Variants in MATN2 observed in about 807,000 individuals in gnomAD.
MATN2 encodes matrilin 2, also known as matrilin-2.
In MATN2, 69 loss-of-function variants were observed where a neutral mutation model predicts 103.2. The observed-to-expected ratio is 0.67, with a 90% CI of 0.55 to 0.82. MATN2 has a LOEUF of 0.82. Among genes scored for constraint, MATN2 ranks in the 40% least tolerant of loss-of-function variants. MATN2 has a pLI of 0.00. For missense variants in MATN2, 1,023 were observed against 1,211.5 expected (o/e 0.84, Z 2.31); for synonymous variants, 429 against 450.2 (o/e 0.95, Z 0.60).
Position 98,005,830 on chromosome 8 carries a change from T to TCC in MATN2, c.1328-1275_1328-1274insCC, listed in dbSNP as rs1812948612. Among the ~76,000 whole-genome samples the TCC allele has an allele frequency of 4.6e-5, 7 of 152,232 alleles. No individual in the cohort carries two copies. The highest frequency in any genetic ancestry group is 1.0e-4 in the Non-Finnish European group (7 of 68,042). ...AAGGGCAAACTGTGACACAAAGGGA[T>TCC]TAAGTCACTGTCCTGGGGTCCTGTG... is the stretch of plus-strand genomic sequence containing the variant. On this transcript the variant is annotated intron_variant, in intron 8 of 18. Coordinates refer to ENST00000254898, the MANE Select transcript of MATN2 (RefSeq NM_002380.5). The surrounding 1 kb of genome is among the most constrained non-coding windows in gnomAD (Gnocchi z 4.6).
intron 14 of MATN2, among the ~76,000 whole-genome samples, chr8:98,028,499 G>T (rs1288655010): frequency 6.6e-6 from 1 of 152,150 alleles, no homozygotes; most frequent in African/African-American, 2.4e-5. Context: ...CCAAAAGGTA[G>T]GATAATTGGT....
At chr8:97,933,463 A>G (rs1279002909) in intron 3 of MATN2, among the ~76,000 whole-genome samples, 1 of 152,174 alleles carries the variant, frequency 6.6e-6, no homozygotes, top group Non-Finnish European at 1.5e-5. Context: ...TGTATTTATC[A>G]GAAAATGGAA....
chr8:97,985,901 C>A (rs1812175763), intron 6 of MATN2, among the ~76,000 whole-genome samples: 1 of 152,186 alleles, frequency 6.6e-6, no homozygotes, highest in Admixed American at 6.5e-5. Context: ...TGGAACATTT[C>A]TCTCCAGTCT....
chr8:97,989,255 G>A (rs1349296634), intron 6 of MATN2, among the ~76,000 whole-genome samples: 2 of 152,166 alleles, frequency 1.3e-5, no homozygotes, highest in African/African-American at 2.4e-5. Flanking sequence ...GGATCATGAG[G>A]TCAGGAGATT....
chr8:98,006,559 T>C (rs1224663250), intron 8 of MATN2, among the ~76,000 whole-genome samples: 2 of 152,242 alleles, frequency 1.3e-5, no homozygotes, highest in African/African-American at 2.4e-5. Flanking sequence ...GGTAGTTTGA[T>C]GCCAGAACCT....
intron 6 of MATN2, among the ~76,000 whole-genome samples, chr8:97,980,535 C>CT (rs1811981316): frequency 6.7e-6 from 1 of 149,444 alleles, no homozygotes; most frequent in Admixed American, 6.7e-5. Flanking sequence ...ATAATGCTGC[C>CT]TACTGCATAG....
intron 3 of MATN2, among the ~76,000 whole-genome samples, chr8:97,939,371 G>GA (rs1485519508): frequency 6.6e-6 from 1 of 151,994 alleles, no homozygotes; most frequent in Admixed American, 6.6e-5. Context: ...GCACAGAAAT[G>GA]AAAAAACAAA....
At chr8:97,935,865 G>C (rs1810355383) in intron 3 of MATN2, among the ~76,000 whole-genome samples, 1 of 152,112 alleles carries the variant, frequency 6.6e-6, no homozygotes, top group South Asian at 2.1e-4. Context: ...CTGCAGATTG[G>C]GACAGGTTCT....
At chr8:97,979,592 A>G (rs758283280) in intron 6 of MATN2, among the ~76,000 whole-genome samples, 1 of 152,238 alleles carries the variant, frequency 6.6e-6, no homozygotes, top group Non-Finnish European at 1.5e-5. Flanking sequence ...TGCAAAAAAG[A>G]TAATAACTAG....
intron 10 of MATN2, among the ~76,000 whole-genome samples, chr8:98,013,764 T>C (rs1813261034): frequency 6.6e-6 from 1 of 152,226 alleles, no homozygotes; most frequent in Admixed American, 6.5e-5. Flanking sequence ...CTTCTGGATG[T>C]GTAACTTTCA....
At chr8:98,030,056 T>C (rs1813953093) in intron 14 of MATN2, among the ~76,000 whole-genome samples, 1 of 152,218 alleles carries the variant, frequency 6.6e-6, no homozygotes, top group Admixed American at 6.5e-5. Flanking sequence ...CCCTGTAGCT[T>C]TGAGTAGAAA....
intron 6 of MATN2, among the ~76,000 whole-genome samples, chr8:97,986,427 A>G (rs370084623): frequency 2.6e-5 from 4 of 152,324 alleles, no homozygotes; most frequent in African/African-American, 9.6e-5. Flanking sequence ...CCCAATGTGT[A>G]GTCTTTTATC....
At position 98,016,741 on chromosome 8, in the gene MATN2, C is replaced by A. The variant is rs1813376552; in HGVS notation, c.1696+79C>A. ...TCGCTATCCTTATCTCTGTATATAT[C>A]AGTTCCTCTCAGAAGTCAATGCCAC... On this transcript the variant is annotated intron_variant, in intron 11 of 18. Coordinates refer to ENST00000254898, the MANE Select transcript of MATN2 (RefSeq NM_002380.5). 4 of 1,517,820 alleles carry A rather than the reference C, an allele frequency of 2.6e-6. No homozygotes were observed. The South Asian group carries it at 4.8e-5, about 18-fold the overall frequency. The allele number at this position is 1,517,820 out of a possible 1,614,324, so 94.0% of individuals were successfully genotyped here. A position where few individuals can be genotyped will look rare whatever the true frequency, so the allele number is the denominator to read the frequency against.
intron 1 of MATN2, among the ~76,000 whole-genome samples, chr8:97,875,067 C>G (rs1656541222): frequency 6.6e-6 from 1 of 152,116 alleles, no homozygotes. Flanking sequence ...CCTAGATAAT[C>G]CAGGATCATC....
chr8:97,878,883 C>G (rs935397413), intron 1 of MATN2, among the ~76,000 whole-genome samples: 1 of 151,978 alleles, frequency 6.6e-6, no homozygotes, highest in Non-Finnish European at 1.5e-5. Flanking sequence ...AAGATGTTAT[C>G]CTCCTATTAC....
chr8:97,995,751 G>C (rs2130358844), intron 7 of MATN2, among the ~76,000 whole-genome samples: 1 of 152,354 alleles, frequency 6.6e-6, no homozygotes, highest in South Asian at 2.1e-4. Flanking sequence ...TCTAGCAAGT[G>C]CTAAACTGTG....
chr8:98,029,656 A>G (rs1813937653), intron 14 of MATN2, among the ~76,000 whole-genome samples: 1 of 152,238 alleles, frequency 6.6e-6, no homozygotes, highest in African/African-American at 2.4e-5. Context: ...ACTCAGAACA[A>G]GGCATCACAA....
chr8:97,912,200 G>A (rs995019679), intron 2 of MATN2, among the ~76,000 whole-genome samples: 11 of 152,130 alleles, frequency 7.2e-5, no homozygotes, highest in African/African-American at 2.7e-4. Flanking sequence ...TTCTATTATC[G>A]GGTCTTGAAT....
chr8:98,006,454 C>T (rs1812973962), intron 8 of MATN2, among the ~76,000 whole-genome samples: 1 of 152,226 alleles, frequency 6.6e-6, no homozygotes, highest in African/African-American at 2.4e-5. Context: ...CAACCATCAA[C>T]ATCCACATTC....
Sources: gnomAD v4.1 joint callset for allele counts (sites outside exome capture counted in the v4.1 genomes callset) on GRCh38, gnomAD v4.1.1 for gene constraint, Gnocchi (gnomAD v3.1) non-coding constraint, MANE v1.5 for transcripts, NCBI Gene and HGNC (gene_info 2026-07-23, HGNC 2026-07-21) for gene names.